The following HMGCL variants were observed in gnomAD, a reference collection of about 807,000 sequenced individuals.
HMGCL encodes 3-hydroxy-3-methylglutaryl-CoA lyase.
HMGCL carries 26 observed loss-of-function variants against 37.3 expected under a neutral mutation model. That is an observed-to-expected ratio of 0.70 (90% CI 0.51 to 0.97). The LOEUF (loss-of-function observed/expected upper bound fraction) is 0.97, where lower values mean the gene tolerates loss of function less well. Ranked by LOEUF, HMGCL falls within the 50% of genes least tolerant of loss-of-function variation. The pLI, the probability that HMGCL is intolerant of heterozygous loss-of-function variation, is 0.00. For synonymous variants in HMGCL, 151 were observed against 148.0 expected, an observed-to-expected ratio of 1.02 and a Z score of -0.15; for missense variants, 379 against 398.1, an observed-to-expected ratio of 0.95 and a Z score of 0.41.
At chr1:23,807,604 G>C (rs2148418770) in intron 7 of HMGCL, among the ~76,000 whole-genome samples, 1 of 152,278 alleles carries the variant, frequency 6.6e-6, no homozygotes, top group Admixed American at 6.5e-5. Context: ...AGCTCAATCT[G>C]TGGGGAACGG....
In HMGCL at chr1:23,802,108, T is replaced by A. The variant is rs1638288246; in HGVS notation, c.*355A>T. The A allele has an allele frequency of 5.5e-6, 3 of 547,974 alleles. No individual in the cohort carries two copies. The highest frequency in any genetic ancestry group is 9.7e-6 in the Non-Finnish European group (3 of 309,908). The allele number at this position is 547,974 out of a possible 1,614,324, so 33.9% of individuals were successfully genotyped here. A position where few individuals can be genotyped will look rare whatever the true frequency, so the allele number is the denominator to read the frequency against. On this transcript the variant is annotated 3_prime_UTR_variant, in exon 9 of 9. Coordinates refer to ENST00000374490, the MANE Select transcript of HMGCL (RefSeq NM_000191.3). The stretch of plus-strand genomic sequence containing the variant: ...TGGCAGGGTGGAGCCGTGTAGAGGG[T>A]GGCCAGGTGGCCAGCTCGCGGATTC...
chr1:23,808,961 A>T (rs1214944818), intron 6 of HMGCL, among the ~76,000 whole-genome samples: 1 of 149,150 alleles, frequency 6.7e-6, no homozygotes, highest in South Asian at 2.1e-4. Flanking sequence ...GCTGGAGTGC[A>T]GTGGCACAAT....
In HMGCL at chr1:23,804,476, G is replaced by C. The variant is rs750347526; in HGVS notation, c.800C>G (p.Pro267Arg). ...GTTTCCTGATGCCCCCTGTGCGTAG[G>C]GACAGCCTCCAAGTCCTGCCACAGA... ...DSSVAGLGGC[P>R]YAQGASGNLA... The change falls in exon 8 of 9, where the codon CCC becomes CGC. Residue 267 changes from proline to arginine, a missense_variant. Transcript: ENST00000374490. The C allele has an allele frequency of 8.1e-6, 13 of 1,614,052 alleles. No homozygotes were observed. The highest frequency in any genetic ancestry group is 1.1e-5 in the Non-Finnish European group (13 of 1,179,962).
chr1:23,814,458 C>T, intron 4 of HMGCL, 120 bp from the exon 5 acceptor site: 1 of 1,141,834 alleles, frequency 8.8e-7, no homozygotes, highest in Admixed American at 1.9e-5. Flanking sequence ...GCAACCTCCA[C>T]CTCCTGGGTT....
chr1:23,821,617 C>A (rs1475785808), intron 1 of HMGCL, among the ~76,000 whole-genome samples: 1 of 152,080 alleles, frequency 6.6e-6, no homozygotes, highest in Non-Finnish European at 1.5e-5. Context: ...TATGACTGTG[C>A]CACTACACTC....
In HMGCL at chr1:23,819,825, A is replaced by G. The variant is rs531860161; in HGVS notation, c.144+685T>C. Among the ~76,000 whole-genome samples, 29 of 151,984 alleles carry G rather than the reference A, an allele frequency of 1.9e-4. 1 individual carries two copies. In the South Asian group the frequency reaches 4.6e-3, roughly 24 times the overall value. On this transcript the variant is annotated intron_variant, in intron 2 of 8. Coordinates refer to ENST00000374490, the MANE Select transcript of HMGCL (RefSeq NM_000191.3). ...AATCGTGCTCTGCCTCAGCCTCCTG[A>G]AGTGCTGGGATTACAGGCATGAGCC...
rs1268352326 is a variant in HMGCL, at chr1:23,806,430, A to G, written c.750+1705T>C. 6.6e-6 allele frequency among the ~76,000 whole-genome samples: 1 copy of G among 152,076 alleles called. No individual in the cohort carries two copies. Among genetic ancestry groups the G allele is most frequent in the Non-Finnish European group, 1.5e-5 (1 of 67,974 alleles). ...TCCTCAGTCACACTGCTCCCGCCAC[A>G]TGCCTCCTCCTGATCCCTGAACACA... On this transcript the variant is annotated intron_variant, in intron 7 of 8. Coordinates refer to ENST00000374490, the MANE Select transcript of HMGCL (RefSeq NM_000191.3). The surrounding 1 kb of genome is among the most constrained non-coding windows in gnomAD (Gnocchi z 4.0).
At chr1:23,802,728 C>T (rs530491657) in intron 8 of HMGCL, among the ~76,000 whole-genome samples, 164 bp from the exon 9 acceptor site, 1 of 152,336 alleles carries the variant, frequency 6.6e-6, no homozygotes, top group East Asian at 1.9e-4. Flanking sequence ...TCCTGTCTGT[C>T]TGGCACCTGG....
At chr1:23,823,446 A>G (rs1368335749) in intron 1 of HMGCL, among the ~76,000 whole-genome samples, 1 of 151,560 alleles carries the variant, frequency 6.6e-6, no homozygotes, top group African/African-American at 2.4e-5. Context: ...TTCACCTCCC[A>G]GGTTCAAGTG....
chr1:23,813,973 T>C (rs893002559), intron 5 of HMGCL: 16 of 595,168 alleles, frequency 2.7e-5, no homozygotes, highest in Middle Eastern at 9.2e-4. Context: ...CATGCTATCA[T>C]GGCTAGCTGG....
chr1:23,812,367 A>AT (rs1256221451), intron 5 of HMGCL, among the ~76,000 whole-genome samples: 1 of 151,970 alleles, frequency 6.6e-6, no homozygotes, highest in Non-Finnish European at 1.5e-5. Flanking sequence ...AGTGTTCTTT[A>AT]TTTTTTGGAG....
At chr1:23,810,512 C>T in intron 6 of HMGCL, 1 of 531,472 alleles carries the variant, frequency 1.9e-6, no homozygotes, top group Non-Finnish European at 3.5e-6. Context: ...GGTTTTCAGG[C>T]TGGATAGAGG....
chr1:23,819,006 T>TAAAAAAAAAA (rs11371330), intron 2 of HMGCL, among the ~76,000 whole-genome samples: 3 of 43,142 alleles, frequency 7.0e-5, no homozygotes, highest in African/African-American at 1.0e-4. Flanking sequence ...ATGGACGTGC[T>TAAAAAAAAAA]AAAAAAAAAA....
chr1:23,814,063 C>G lies in HMGCL; in HGVS notation c.497+127G>C. ...ACCACACTTATTTGGGAAAAGATGT[C>G]TAGGTGTGGAGCTCAGGCTGCCCCC... On this transcript the variant is annotated intron_variant, in intron 5 of 8. Transcript: ENST00000374490. 7.3e-6 allele frequency: 7 copies of G among 961,610 alleles called. No homozygotes were observed. In the South Asian group the frequency reaches 9.2e-5, roughly 13 times the overall value. The allele number at this position is 961,610 out of a possible 1,614,324, so 59.6% of individuals were successfully genotyped here. A position where few individuals can be genotyped will look rare whatever the true frequency, so the allele number is the denominator to read the frequency against.
At chr1:23,814,562 C>T (rs905678026) in intron 4 of HMGCL, among the ~76,000 whole-genome samples, 29 of 152,070 alleles carry the variant, frequency 1.9e-4, no homozygotes, top group African/African-American at 6.0e-4. Flanking sequence ...GTAGAGACAG[C>T]GTTTCACCAT....
intron 4 of HMGCL, among the ~76,000 whole-genome samples, chr1:23,815,588 CGGGTTCAAGTGA>C (rs1557491324): frequency 1.3e-5 from 2 of 151,228 alleles, no homozygotes; most frequent in Non-Finnish European, 2.9e-5. Context: ...CTCCGCCTTC[CGGGTTCAAGTGA>C]TTCTCCTGCC....
intron 2 of HMGCL, among the ~76,000 whole-genome samples, chr1:23,819,758 T>C (rs1193411248): frequency 6.7e-6 from 1 of 149,892 alleles, no homozygotes; most frequent in Admixed American, 6.6e-5. Context: ...CACGCGCGCG[T>C]GCGTACGCGC....
chr1:23,804,718 T>C (rs545599129), intron 7 of HMGCL, among the ~76,000 whole-genome samples, 193 bp from the exon 8 acceptor site: 8 of 152,314 alleles, frequency 5.3e-5, no homozygotes, highest in African/African-American at 1.9e-4. Flanking sequence ...TTAAACTGTT[T>C]CCTCTGCCAG....
intron 1 of HMGCL, 100 bp downstream of exon 1, chr1:23,825,256 C>T (rs1159245701): frequency 1.5e-5 from 14 of 959,614 alleles, no homozygotes; most frequent in Middle Eastern, 2.1e-4. Context: ...GAGAGCTGTC[C>T]GGCCTCGCCT....
Sources: allele counts gnomAD v4.1 joint callset (sites outside exome capture counted in the v4.1 genomes callset), GRCh38; gene constraint gnomAD v4.1.1; non-coding constraint Gnocchi (gnomAD v3.1); transcripts MANE v1.5; gene names NCBI Gene and HGNC (gene_info 2026-07-23, HGNC 2026-07-21).